The following MAST4 variants were observed in gnomAD, a reference collection of about 807,000 sequenced individuals.
MAST4 encodes the protein microtubule associated serine/threonine kinase family member 4.
In MAST4, 89 loss-of-function variants were observed where a neutral mutation model predicts 162.7. The ratio of observed to expected loss-of-function variants is 0.55; its 90% CI spans 0.46 to 0.65. The LOEUF is 0.65. MAST4 is among the 30% of genes least tolerant of loss of function. The pLI, the probability that MAST4 is intolerant of heterozygous loss-of-function variation, is 0.00. For synonymous variants in MAST4, 1,479 were observed against 1,361.1 expected, an observed-to-expected ratio of 1.09 and a Z score of -1.91; for missense variants, 3,153 against 3,374.0, an observed-to-expected ratio of 0.93 and a Z score of 1.62.
At chr5:66,928,057 G>A (rs145850937) in intron 4 of MAST4, among the ~76,000 whole-genome samples, 2 of 152,232 alleles carry the variant, frequency 1.3e-5, no homozygotes, top group East Asian at 3.9e-4. Flanking sequence ...TTGATTTAGT[G>A]TCCACCCTAA....
At chr5:66,601,224 CT>C (rs1202061187) in intron 1 of MAST4, among the ~76,000 whole-genome samples, 1 of 152,134 alleles carries the variant, frequency 6.6e-6, no homozygotes, top group African/African-American at 2.4e-5. Context: ...CTACATAATT[CT>C]AAAAGAGTAG....
intron 4 of MAST4, among the ~76,000 whole-genome samples, chr5:66,994,030 A>T (rs578013510): frequency 2.7e-5 from 4 of 150,528 alleles, no homozygotes; most frequent in South Asian, 2.1e-4. Context: ...AACAATGGGG[A>T]CCCATTCAAC....
In MAST4 at chr5:67,164,957, T is replaced by C. The variant is rs758069095; in HGVS notation, c.5778T>C (p.Pro1926=). The C allele has an allele frequency of 1.2e-6, 2 of 1,613,826 alleles. No individual in the cohort carries two copies. Among genetic ancestry groups the C allele is most frequent in the Non-Finnish European group, 1.7e-6 (2 of 1,179,830 alleles). ...CCCAACAGAGAGAGGGCAGCTCCCC[T>C]AAACACCAAGACCACACCACTGACC... The part of the protein sequence containing the change: ...SNPQQREGSS[P]KHQDHTTDPK... The change falls in exon 29 of 29, where the codon CCT becomes CCC. Residue 1926 remains proline, a synonymous_variant. Transcript: ENST00000403625. This position sits in a 1 kb window ranked among gnomAD's most constrained non-coding sequence, Gnocchi z 5.3.
intron 4 of MAST4, among the ~76,000 whole-genome samples, chr5:67,042,536 C>A (rs1228695821): frequency 6.7e-6 from 1 of 149,582 alleles, no homozygotes; most frequent in Non-Finnish European, 1.5e-5. Context: ...TTTTTTTTTC[C>A]GCGCTTTTCA....
intron 4 of MAST4, among the ~76,000 whole-genome samples, chr5:67,038,851 CT>C: frequency 6.6e-6 from 1 of 152,258 alleles, no homozygotes; most frequent in South Asian, 2.1e-4. Flanking sequence ...TTACCATATA[CT>C]TTTGTGAGTT....
intron 1 of MAST4, among the ~76,000 whole-genome samples, chr5:66,725,306 A>C (rs926605396): frequency 6.6e-6 from 1 of 152,186 alleles, no homozygotes; most frequent in African/African-American, 2.4e-5. Context: ...TAAAGAACAC[A>C]TGCATAGTTT....
chr5:66,723,256 C>T (rs1751324624), intron 1 of MAST4, among the ~76,000 whole-genome samples: 1 of 152,148 alleles, frequency 6.6e-6, no homozygotes, highest in Admixed American at 6.5e-5. Flanking sequence ...TTGACCATTT[C>T]TCAGTCCTAA....
chr5:66,995,592 G>A (rs554560075), intron 4 of MAST4, among the ~76,000 whole-genome samples: 2 of 152,222 alleles, frequency 1.3e-5, no homozygotes, highest in African/African-American at 2.4e-5. Context: ...TAGTAGAGAC[G>A]GGGTTTCACC....
chr5:67,056,716 A>G (rs1758871382), intron 5 of MAST4, among the ~76,000 whole-genome samples: 1 of 152,110 alleles, frequency 6.6e-6, no homozygotes, highest in African/African-American at 2.4e-5. Context: ...TTTGTTTTTG[A>G]GACAAAACCT....
chr5:66,700,370 C>A (rs887854988), intron 1 of MAST4, among the ~76,000 whole-genome samples: 1 of 151,842 alleles, frequency 6.6e-6, no homozygotes. Context: ...TATCTTTAAT[C>A]TTGATAAAAT....
chr5:66,823,989 A>G (rs1757118849), intron 3 of MAST4, among the ~76,000 whole-genome samples: 1 of 152,180 alleles, frequency 6.6e-6, no homozygotes. Flanking sequence ...TTATGAGCTA[A>G]TACAACATAT....
intron 3 of MAST4, among the ~76,000 whole-genome samples, chr5:66,890,036 C>CT (rs528178812): frequency 1.3e-5 from 2 of 151,944 alleles, no homozygotes; most frequent in Admixed American, 1.3e-4. Context: ...ATTTTAGCTT[C>CT]TTTTTTTTAT....
At position 67,163,336 on chromosome 5, in the gene MAST4, C is replaced by T; in HGVS notation, c.4157C>T (p.Thr1386Ile). ...LSPLARTPSPTPQPTSPQRSP... is the reference protein window; with the variant it reads ...LSPLARTPSPIPQPTSPQRSP... ...CCGCTGGCCCGGACGCCCTCTCCAA[C>T]CCCGCAACCCACCTCCCCGCAGCGG... The change falls in exon 29 of 29, where the codon ACC becomes ATC. Residue 1386 changes from threonine to isoleucine, a missense_variant. Thr to Ile is a moderately conservative substitution (Grantham distance 89, BLOSUM62 -1). This residue lies in a region of MAST4 where 619 missense variants were observed against 744.2 expected (regional missense o/e 0.83). Transcript: ENST00000403625. This position sits in a 1 kb window ranked among gnomAD's most constrained non-coding sequence, Gnocchi z 7.0. 6.2e-7 allele frequency: 1 copy of T among 1,612,822 alleles called. No individual in the cohort carries two copies. The highest frequency in any genetic ancestry group is 8.5e-7 in the Non-Finnish European group (1 of 1,179,848).
chr5:66,925,519 G>A (rs1168130298), intron 4 of MAST4, among the ~76,000 whole-genome samples: 1 of 152,056 alleles, frequency 6.6e-6, no homozygotes, highest in Admixed American at 6.5e-5. Context: ...CTTAACACTT[G>A]GGGCTTTATA....
Position 66,938,034 on chromosome 5 carries a change from T to C in MAST4, c.674+38052T>C, listed in dbSNP as rs564406625. Among the ~76,000 whole-genome samples the C allele has an allele frequency of 2.0e-5, 3 of 152,146 alleles. No homozygotes were observed. The East Asian group carries it at 5.8e-4, about 29-fold the overall frequency. ...GGGATCCATTCAGGGCACTTAGCTG[T>C]TATATTTATATTAATTCTAATAGTT... On this transcript the variant is annotated intron_variant, in intron 4 of 28. Transcript: ENST00000403625.
At chr5:66,629,809 TG>T (rs1744681826) in intron 1 of MAST4, among the ~76,000 whole-genome samples, 1 of 152,090 alleles carries the variant, frequency 6.6e-6, no homozygotes, top group South Asian at 2.1e-4. Flanking sequence ...TGTCTATGAG[TG>T]GTTAATCACA....
chr5:66,805,903 G>T, intron 3 of MAST4, among the ~76,000 whole-genome samples: 1 of 152,190 alleles, frequency 6.6e-6, no homozygotes, highest in Middle Eastern at 3.2e-3. Flanking sequence ...AGGGGCTACT[G>T]CTTTGATTTT....
intron 3 of MAST4, among the ~76,000 whole-genome samples, chr5:66,886,297 A>AT (rs1762036091): frequency 6.6e-6 from 1 of 152,050 alleles, no homozygotes; most frequent in Non-Finnish European, 1.5e-5. Flanking sequence ...AGCTACTGTT[A>AT]TTTTTTTCTG....
In MAST4 at chr5:67,136,550, T is replaced by G. The variant is rs759154002; in HGVS notation, c.2393-13T>G. 2 of 1,580,796 alleles carry G rather than the reference T, an allele frequency of 1.3e-6. No homozygotes were observed. The highest frequency in any genetic ancestry group is 1.2e-5 in the South Asian group (1 of 86,348). ...TGAACAATATGGTTATAAACAACTTTTCTTCCTTCTAGATGAGATCAACTG... is the reference window on the plus strand; with the variant it reads ...TGAACAATATGGTTATAAACAACTTGTCTTCCTTCTAGATGAGATCAACTG... On this transcript the variant is annotated splice_polypyrimidine_tract_variant and intron_variant, in intron 18 of 28. Coordinates refer to ENST00000403625, the MANE Select transcript of MAST4 (RefSeq NM_001164664.2).
Sources: allele counts gnomAD v4.1 joint callset (sites outside exome capture counted in the v4.1 genomes callset), GRCh38; gene constraint gnomAD v4.1.1; regional missense constraint gnomAD v4.1.1; non-coding constraint Gnocchi (gnomAD v3.1); transcripts MANE v1.5; gene names NCBI Gene and HGNC (gene_info 2026-07-23, HGNC 2026-07-21).